UBN2: variants seen among roughly 807,000 people sequenced by gnomAD.
The protein encoded by UBN2 is ubinuclein-2.
In UBN2, 35 loss-of-function variants were observed where a neutral mutation model predicts 120.2. That is an observed-to-expected ratio of 0.29 (90% CI 0.22 to 0.39). The LOEUF is 0.39. Ranked by LOEUF, UBN2 falls within the 10% of genes least tolerant of loss-of-function variation. The pLI is 1.00. For synonymous variants in UBN2, 661 were observed against 648.7 expected (o/e 1.02, Z -0.29); for missense variants, 1,693 against 1,663.2 (o/e 1.02, Z -0.31).
chr7:139,285,491 G>C (rs1010856627), intron 15 of UBN2, among the ~76,000 whole-genome samples: 3 of 152,092 alleles, frequency 2.0e-5, no homozygotes, highest in Non-Finnish European at 4.4e-5. Flanking sequence ...ACTGACTCTT[G>C]CTTAGTATTT....
chr7:139,287,835 C>G (rs1797835793), intron 15 of UBN2, among the ~76,000 whole-genome samples: 1 of 151,484 alleles, frequency 6.6e-6, no homozygotes, highest in South Asian at 2.1e-4. Context: ...GTCTATAGCT[C>G]TCCAACACTG....
At chr7:139,290,203 G>C (rs1487917967) in intron 15 of UBN2, among the ~76,000 whole-genome samples, 1 of 152,084 alleles carries the variant, frequency 6.6e-6, no homozygotes, top group African/African-American at 2.4e-5. Flanking sequence ...CAAAGTGCTG[G>C]GATTACAGGC....
At chr7:139,250,973 A>G (rs778430684) in intron 2 of UBN2, among the ~76,000 whole-genome samples, 2 of 151,826 alleles carry the variant, frequency 1.3e-5, no homozygotes, top group Non-Finnish European at 2.9e-5. Flanking sequence ...CCGGGCTTTG[A>G]GGCATGCACC....
downstream of UBN2, among the ~76,000 whole-genome samples, chr7:139,311,327 TG>T (rs1382963361): frequency 6.6e-6 from 1 of 152,230 alleles, no homozygotes; most frequent in African/African-American, 2.4e-5. Flanking sequence ...TTTCTCCCTC[TG>T]TGTATTTGCC....
At chr7:139,241,619 G>T (rs981235781) in intron 2 of UBN2, among the ~76,000 whole-genome samples, 15 of 152,158 alleles carry the variant, frequency 9.9e-5, no homozygotes, top group Admixed American at 8.5e-4. Flanking sequence ...TGACCAAATG[G>T]AATAACACTG....
intron 15 of UBN2, among the ~76,000 whole-genome samples, chr7:139,289,343 G>T (rs1023344443): frequency 1.3e-5 from 2 of 151,760 alleles, no homozygotes; most frequent in Non-Finnish European, 2.9e-5. Context: ...GACAGTTATG[G>T]CATAGTATCA....
the UBN2 span, among the ~76,000 whole-genome samples, chr7:139,320,165 A>G: frequency 6.6e-6 from 1 of 152,226 alleles, no homozygotes; most frequent in African/African-American, 2.4e-5. Context: ...CCATAATTTC[A>G]AAAACAAAAA....
At chr7:139,269,349 A>C (rs1458085517) in intron 7 of UBN2, 45 bp from the exon 8 acceptor site, 2 of 1,580,070 alleles carry the variant, frequency 1.3e-6, no homozygotes, top group South Asian at 2.3e-5. Context: ...AATGCCACCT[A>C]AAATAAATTC....
At chr7:139,274,590 T>A (rs1335913300) in intron 11 of UBN2, among the ~76,000 whole-genome samples, 1 of 150,438 alleles carries the variant, frequency 6.6e-6, no homozygotes, top group Non-Finnish European at 1.5e-5. Flanking sequence ...TGAAGAAACC[T>A]TGTCTCTACT....
chr7:139,255,376 TAC>T (rs2130967698), intron 3 of UBN2, among the ~76,000 whole-genome samples: 1 of 152,320 alleles, frequency 6.6e-6, no homozygotes, highest in African/African-American at 2.4e-5. Flanking sequence ...TGGTAGACTA[TAC>T]AGTTTTTATT....
rs1797494324 is a variant in UBN2 at position 139,277,980 on chromosome 7, C to G, written c.2025-1338C>G. On this transcript the variant is annotated intron_variant, in intron 12 of 17. Coordinates refer to ENST00000473989, the MANE Select transcript of UBN2 (RefSeq NM_173569.4). ...AAAGTTATGTGAATGTGGTTTATCT[C>G]TATTTCTGGAATTTTCCATTTAATA... Among the ~76,000 whole-genome samples, 3 of 152,118 alleles carry G rather than the reference C, an allele frequency of 2.0e-5. No homozygotes were observed. In the South Asian group the frequency reaches 6.2e-4, roughly 32 times the overall value.
Position 139,231,747 on chromosome 7 carries a change from G to T in UBN2, c.263G>T (p.Arg88Leu). 1 of 1,212,886 alleles carries T rather than the reference G, an allele frequency of 8.2e-7. No homozygotes were observed. Among genetic ancestry groups the T allele is most frequent in the Non-Finnish European group, 1.0e-6 (1 of 980,332 alleles). The allele number at this position is 1,212,886 out of a possible 1,614,324, so 75.1% of individuals were successfully genotyped here. A position where few individuals can be genotyped will look rare whatever the true frequency, so the allele number is the denominator to read the frequency against. Residue 88 changes from arginine (R) to leucine (L), a missense_variant, in exon 1 of 18, where the codon CGG (arginine) becomes CTG (leucine). Physicochemically the swap from Arg to Leu is moderately radical, Grantham distance 102. Coordinates refer to ENST00000473989, the MANE Select transcript of UBN2 (RefSeq NM_173569.4). Reference sequence around the variant, plus strand: ...GCCGAGCCGCCCATGTCGCTGCAGCGGGAGCCCCCGCGGCCCGAGCCGCCG... The same window carrying T: ...GCCGAGCCGCCCATGTCGCTGCAGCTGGAGCCCCCGCGGCCCGAGCCGCCG... ...SRAEPPMSLQ[R>L]EPPRPEPPPP...
At chr7:139,251,840 C>A in intron 2 of UBN2, 116 bp from the exon 3 acceptor site, 1 of 841,466 alleles carries the variant, frequency 1.2e-6, no homozygotes, top group Non-Finnish European at 1.9e-6. Context: ...AGGACTTAAA[C>A]CTCCTGGAGA....
intron 3 of UBN2, among the ~76,000 whole-genome samples, chr7:139,257,701 C>G (rs972673883): frequency 1.3e-5 from 2 of 152,062 alleles, no homozygotes; most frequent in African/African-American, 4.8e-5. Flanking sequence ...TAGGCGTGAG[C>G]CACCATGCCC....
intron 15 of UBN2, among the ~76,000 whole-genome samples, chr7:139,290,699 G>A (rs28628217): frequency 0.091 from 13,872 of 152,086 alleles, 1,091 homozygotes; most frequent in Admixed American, 0.21. Context: ...CCAGAACTAT[G>A]GATATAAATT....
chr7:139,291,464 A>G (rs1000828303), intron 15 of UBN2, among the ~76,000 whole-genome samples: 1 of 152,162 alleles, frequency 6.6e-6, no homozygotes, highest in African/African-American at 2.4e-5. Context: ...TAAGGCTACA[A>G]AAGAAATCTC....
chr7:139,296,884 T>C (rs1035189940), intron 17 of UBN2, among the ~76,000 whole-genome samples: 8 of 151,414 alleles, frequency 5.3e-5, no homozygotes, highest in Non-Finnish European at 8.8e-5. Flanking sequence ...CTGGAAAACA[T>C]AGCAAGACTC....
rs557932258 is a variant in UBN2, at chr7:139,293,682, A to G, written c.3902-207A>G. 4.3e-4 allele frequency: 276 copies of G among 642,524 alleles called. 3 individuals carry two copies. The South Asian group carries it at 5.7e-3, about 13-fold the overall frequency. 39.8% of individuals were successfully genotyped at this position (642,524 alleles called of 1,614,324 possible). ...CTATCTATACCACATTTCCATCTTA[A>G]TGAAATTTTTAAGAGGAAGTCAGTT... On this transcript the variant is annotated intron_variant, in intron 16 of 17. Transcript: ENST00000473989.
At chr7:139,237,846 G>C (rs1796207327) in intron 2 of UBN2, among the ~76,000 whole-genome samples, 2 of 152,034 alleles carry the variant, frequency 1.3e-5, no homozygotes, top group Non-Finnish European at 2.9e-5. Flanking sequence ...CTAAGAGTTT[G>C]AGAGTGAATG....
Sources: gnomAD v4.1 joint callset for allele counts (sites outside exome capture counted in the v4.1 genomes callset) on GRCh38, gnomAD v4.1.1 for gene constraint, MANE v1.5 for transcripts, NCBI Gene and HGNC (gene_info 2026-07-23, HGNC 2026-07-21) for gene names.